KIAA0825: variants seen among roughly 807,000 people sequenced by gnomAD.
KIAA0825 encodes the protein uncharacterized protein KIAA0825.
In KIAA0825, 119 loss-of-function variants were observed where a neutral mutation model predicts 147.6. The observed-to-expected ratio is 0.81, with a 90% CI of 0.69 to 0.94. The LOEUF (loss-of-function observed/expected upper bound fraction) is 0.94, where lower values mean the gene tolerates loss of function less well. KIAA0825 is among the 40% of genes least tolerant of loss of function. KIAA0825 has a pLI of 0.00. For missense variants in KIAA0825, 1,381 were observed against 1,472.7 expected, an observed-to-expected ratio of 0.94 and a Z score of 1.02; for synonymous variants, 470 against 518.1, an observed-to-expected ratio of 0.91 and a Z score of 1.26.
chr5:94,452,747 G>A (rs1758575762), intron 13 of KIAA0825, among the ~76,000 whole-genome samples: 1 of 152,120 alleles, frequency 6.6e-6, no homozygotes, highest in Admixed American at 6.6e-5. Context: ...CATCACGAAA[G>A]CTATAAGCTA....
At chr5:94,606,372 C>A (rs1396024257) in intron 1 of KIAA0825, among the ~76,000 whole-genome samples, 1 of 152,138 alleles carries the variant, frequency 6.6e-6, no homozygotes, top group Non-Finnish European at 1.5e-5. Flanking sequence ...ATCAAACCAC[C>A]AATGACATTC....
chr5:94,402,944 G>A (rs1424255522), intron 16 of KIAA0825, among the ~76,000 whole-genome samples: 1 of 151,992 alleles, frequency 6.6e-6, no homozygotes, highest in Non-Finnish European at 1.5e-5. Flanking sequence ...AAGAAGAGAG[G>A]ACTTGACTAA....
chr5:94,417,369 G>C lies in KIAA0825; in HGVS notation c.2498-4C>G, dbSNP rs1423299223. The C allele has an allele frequency of 1.3e-6, 2 of 1,541,100 alleles. No homozygotes were observed. The highest frequency in any genetic ancestry group is 1.8e-6 in the Non-Finnish European group (2 of 1,138,838). On this transcript the variant is annotated splice_polypyrimidine_tract_variant and splice_region_variant and intron_variant, in intron 14 of 20. Coordinates refer to ENST00000682413, the MANE Select transcript of KIAA0825 (RefSeq NM_001145678.3). ...TTTTCTGTGTCGGAAACTTGTTCTT[G>C]AAAGGTACGTTCTTGAAAGGAATCA...
intron 14 of KIAA0825, among the ~76,000 whole-genome samples, chr5:94,423,267 A>G (rs1052988003): frequency 3.9e-5 from 6 of 152,218 alleles, no homozygotes; most frequent in African/African-American, 4.8e-5. Context: ...TCTCTGACCC[A>G]GATTTTACCA....
At chr5:94,424,534 G>A (rs78306088) in intron 14 of KIAA0825, among the ~76,000 whole-genome samples, 1,968 of 152,154 alleles carry the variant, frequency 0.013, 36 homozygotes, top group African/African-American at 0.045. Context: ...TAAGATGGAA[G>A]TTTATAGCAA....
At chr5:94,440,877 G>A (rs192603651) in intron 13 of KIAA0825, among the ~76,000 whole-genome samples, 1 of 152,000 alleles carries the variant, frequency 6.6e-6, no homozygotes, top group Non-Finnish European at 1.5e-5. Context: ...CTAAAATTTA[G>A]ATTGGCTAAC....
At position 94,475,038 on chromosome 5, in the gene KIAA0825, G is replaced by A. The variant is rs189791466; in HGVS notation, c.1228-1519C>T. Among the ~76,000 whole-genome samples the A allele has an allele frequency of 9.0e-3, 1,365 of 151,388 alleles. 22 individuals are homozygous for A. The highest frequency in any genetic ancestry group is 0.03 in the African/African-American group (1,245 of 41,208). On this transcript the variant is annotated intron_variant, in intron 7 of 20. Transcript: ENST00000682413. ...TGGGAGGCGGAGGTTGCAGTGAGCC[G>A]AGATGGCACCACTGCACTCCAGCCT...
At chr5:94,402,822 G>C (rs1223380297) in intron 16 of KIAA0825, among the ~76,000 whole-genome samples, 3 of 150,444 alleles carry the variant, frequency 2.0e-5, no homozygotes, top group Non-Finnish European at 4.4e-5. Flanking sequence ...AAAGAAAAAA[G>C]TTTTATTTTA....
intron 10 of KIAA0825, among the ~76,000 whole-genome samples, chr5:94,467,064 AGTGATAAAT>A (rs1478801892): frequency 6.6e-6 from 1 of 152,208 alleles, no homozygotes; most frequent in African/African-American, 2.4e-5. Context: ...GCTACCATTT[AGTGATAAAT>A]GAGAAAATAA....
intron 11 of KIAA0825, among the ~76,000 whole-genome samples, chr5:94,464,064 CAAAAA>C (rs11364703): frequency 1.1e-5 from 1 of 90,280 alleles, no homozygotes; most frequent in African/African-American, 4.2e-5. Flanking sequence ...TTCCTCCTGC[CAAAAA>C]AAAAAAAAAA....
chr5:94,550,468 T>C (rs1775301499), intron 2 of KIAA0825, among the ~76,000 whole-genome samples: 2 of 152,196 alleles, frequency 1.3e-5, no homozygotes, highest in South Asian at 4.1e-4. Context: ...TCCATTAAAT[T>C]GGAAGAGGCA....
chr5:94,440,352 T>C (rs910126230), intron 13 of KIAA0825, among the ~76,000 whole-genome samples: 1 of 152,206 alleles, frequency 6.6e-6, no homozygotes, highest in African/African-American at 2.4e-5. Context: ...TTAAAACTGA[T>C]ACAAAATACC....
At chr5:94,420,061 C>A (rs770007599) in intron 14 of KIAA0825, among the ~76,000 whole-genome samples, 17 of 151,942 alleles carry the variant, frequency 1.1e-4, no homozygotes, top group South Asian at 2.1e-4. Flanking sequence ...ATCAGCATGA[C>A]AAGATCAAGG....
At chr5:94,390,657 C>G (rs2150556819) in intron 18 of KIAA0825, among the ~76,000 whole-genome samples, 1 of 152,282 alleles carries the variant, frequency 6.6e-6, no homozygotes, top group South Asian at 2.1e-4. Context: ...ACAAGATTTA[C>G]TTGAAGTAAC....
At chr5:94,331,688 T>C (rs1015615860) in intron 20 of KIAA0825, among the ~76,000 whole-genome samples, 2 of 152,124 alleles carry the variant, frequency 1.3e-5, no homozygotes, top group African/African-American at 4.8e-5. Context: ...AAGTGGAGCT[T>C]ATCCCAGGAA....
At chr5:94,535,775 T>C (rs1771885707) in intron 3 of KIAA0825, among the ~76,000 whole-genome samples, 2 of 152,192 alleles carry the variant, frequency 1.3e-5, no homozygotes. Context: ...GTCATAAAGA[T>C]ACAAAAAAGT....
chr5:94,195,454 A>G (rs1771043148), intron 20 of KIAA0825, among the ~76,000 whole-genome samples: 2 of 152,244 alleles, frequency 1.3e-5, no homozygotes, highest in Admixed American at 6.5e-5. Flanking sequence ...TGGCAGATAC[A>G]AAATGACTTT....
At chr5:94,240,727 C>T (rs188430950) in intron 20 of KIAA0825, among the ~76,000 whole-genome samples, 5 of 152,218 alleles carry the variant, frequency 3.3e-5, no homozygotes, top group Admixed American at 2.0e-4. Flanking sequence ...TGACATTTGC[C>T]GTCAAAAATG....
intron 20 of KIAA0825, among the ~76,000 whole-genome samples, chr5:94,303,351 T>G (rs1032713551): frequency 6.6e-6 from 1 of 152,068 alleles, no homozygotes; most frequent in Non-Finnish European, 1.5e-5. Flanking sequence ...AAACATATAT[T>G]ACTATATTCA....
Sources: gnomAD v4.1 joint callset for allele counts (sites outside exome capture counted in the v4.1 genomes callset) on GRCh38, gnomAD v4.1.1 for gene constraint, MANE v1.5 for transcripts, NCBI Gene and HGNC (gene_info 2026-07-23, HGNC 2026-07-21) for gene names.